SRD5A2: variants seen among roughly 807,000 people sequenced by gnomAD.
The protein encoded by SRD5A2 is steroid 5 alpha-reductase 2, also known as 3-oxo-5-alpha-steroid 4-dehydrogenase 2.
A neutral mutation model predicts 27.4 loss-of-function variants in SRD5A2; 30 were observed. That is an observed-to-expected ratio of 1.10 (90% CI 0.82 to 1.49). The LOEUF is 1.49. Ranked by LOEUF, SRD5A2 falls within the 40% of genes most tolerant of loss-of-function variation. The pLI, the probability that SRD5A2 is intolerant of heterozygous loss-of-function variation, is 0.00. For synonymous variants in SRD5A2, 141 were observed against 133.6 expected (o/e 1.06, Z -0.38); for missense variants, 348 against 323.4 (o/e 1.08, Z -0.58).
At chr2:31,588,254 C>T in the SRD5A2 span, among the ~76,000 whole-genome samples, 15 of 152,146 alleles carry the variant, frequency 9.9e-5, no homozygotes, top group African/African-American at 2.9e-4. Context: ...TATCAATATT[C>T]AAGTACAAGA....
chr2:31,579,865 A>C (rs997509479), intron 1 of SRD5A2, among the ~76,000 whole-genome samples: 1 of 152,146 alleles, frequency 6.6e-6, no homozygotes, highest in Non-Finnish European at 1.5e-5. Context: ...AGTTCTCCTG[A>C]ACCCGGATTT....
At chr2:31,610,991 C>T in the SRD5A2 span, among the ~76,000 whole-genome samples, 2 of 152,036 alleles carry the variant, frequency 1.3e-5, no homozygotes, top group African/African-American at 4.8e-5. Flanking sequence ...CACCTGTAAT[C>T]CCAGCTACTC....
chr2:31,576,041 C>A, intron 1 of SRD5A2, among the ~76,000 whole-genome samples: 1 of 151,698 alleles, frequency 6.6e-6, no homozygotes, highest in Admixed American at 6.6e-5. Context: ...ACCATAAAAA[C>A]CCTAGAAGAA....
chr2:31,598,148 G>A, the SRD5A2 span, among the ~76,000 whole-genome samples: 1 of 152,004 alleles, frequency 6.6e-6, no homozygotes, highest in Non-Finnish European at 1.5e-5. Context: ...GGCATTCACA[G>A]CAACCTGGAT....
rs773276395 is a variant in SRD5A2, at chr2:31,529,425, A to T, written c.580T>A (p.Phe194Ile). 1.2e-6 allele frequency: 2 copies of T among 1,613,808 alleles called. No individual in the cohort carries two copies. Among genetic ancestry groups the T allele is most frequent in the South Asian group, 1.1e-5 (1 of 91,042 alleles). The part of the protein sequence containing the change: ...GLFTYVSGAN[F>I]LGEIIEWIGY... ...ATCCATTCAATGATCTCACCGAGGA[A>T]ATTGGCTCCAGAAACATACGTAAAC... The change falls in exon 4 of 5, where the codon TTC becomes ATC. Residue 194 changes from phenylalanine to isoleucine, a missense_variant. By Grantham distance (21) the Phe-to-Ile change is conservative (BLOSUM62 0). Transcript: ENST00000622030.
At chr2:31,547,695 A>G (rs1666290197) in intron 1 of SRD5A2, among the ~76,000 whole-genome samples, 1 of 152,170 alleles carries the variant, frequency 6.6e-6, no homozygotes, top group South Asian at 2.1e-4. Context: ...GAATTGCAAC[A>G]TTGGCTTCCA....
the SRD5A2 span, among the ~76,000 whole-genome samples, chr2:31,587,311 G>A: frequency 3.3e-5 from 5 of 152,326 alleles, no homozygotes; most frequent in South Asian, 8.3e-4. Flanking sequence ...TGGTGGGAGT[G>A]TAAATTAGTT....
the SRD5A2 span, among the ~76,000 whole-genome samples, chr2:31,655,828 G>T: frequency 6.6e-6 from 1 of 152,180 alleles, no homozygotes; most frequent in South Asian, 2.1e-4. Context: ...CCACTGGAAA[G>T]AACCTACTAG....
chr2:31,594,432 C>G, the SRD5A2 span, among the ~76,000 whole-genome samples: 11 of 152,026 alleles, frequency 7.2e-5, no homozygotes, highest in Non-Finnish European at 1.5e-4. Flanking sequence ...GACTTTAAAA[C>G]AATAACAGTT....
the SRD5A2 span, among the ~76,000 whole-genome samples, chr2:31,626,402 G>C: frequency 3.3e-5 from 5 of 152,216 alleles, no homozygotes; most frequent in East Asian, 9.6e-4. Flanking sequence ...ATGTTGAATG[G>C]GAGTGGTGAG....
chr2:31,625,731 G>T, the SRD5A2 span, among the ~76,000 whole-genome samples: 2 of 152,072 alleles, frequency 1.3e-5, no homozygotes, highest in Admixed American at 1.3e-4. Flanking sequence ...TCTCTGTTTT[G>T]GTATCAGTAC....
the SRD5A2 span, among the ~76,000 whole-genome samples, chr2:31,624,727 G>C: frequency 6.6e-6 from 1 of 152,150 alleles, no homozygotes; most frequent in Non-Finnish European, 1.5e-5. Flanking sequence ...ATGGTGTATA[G>C]GTGTCACATT....
the SRD5A2 span, among the ~76,000 whole-genome samples, chr2:31,646,296 A>T: frequency 2.6e-5 from 4 of 152,148 alleles, no homozygotes; most frequent in African/African-American, 9.7e-5. Context: ...TTAATTATTA[A>T]TAGGTAAATG....
the SRD5A2 span, among the ~76,000 whole-genome samples, chr2:31,609,054 A>G: frequency 6.6e-6 from 1 of 152,058 alleles, no homozygotes; most frequent in Non-Finnish European, 1.5e-5. Context: ...CAATAAGAAG[A>G]TCGCCATCTG....
the SRD5A2 span, among the ~76,000 whole-genome samples, chr2:31,647,677 C>T: frequency 5.3e-5 from 8 of 152,278 alleles, no homozygotes; most frequent in South Asian, 1.0e-3. Flanking sequence ...AAGAGACAAA[C>T]GCTGCTGCCA....
intron 2 of SRD5A2, 82 bp downstream of exon 2, chr2:31,533,521 A>G: frequency 7.7e-7 from 1 of 1,293,676 alleles, no homozygotes; most frequent in East Asian, 2.5e-5. Context: ...AGGTCATTGC[A>G]GTAGGGAGAG....
chr2:31,546,548 A>G (rs1666265698), intron 1 of SRD5A2, among the ~76,000 whole-genome samples: 1 of 152,212 alleles, frequency 6.6e-6, no homozygotes, highest in Non-Finnish European at 1.5e-5. Flanking sequence ...ACAGAAAACA[A>G]ATACTGCACA....
the SRD5A2 span, among the ~76,000 whole-genome samples, chr2:31,639,521 G>A: frequency 6.6e-6 from 1 of 151,888 alleles, no homozygotes; most frequent in South Asian, 2.1e-4. Context: ...TTTTTTATAC[G>A]AAAGGATTAG....
the SRD5A2 span, among the ~76,000 whole-genome samples, chr2:31,594,386 C>T: frequency 3.9e-5 from 6 of 151,988 alleles, no homozygotes; most frequent in Admixed American, 6.6e-5. Flanking sequence ...AAACCAAAAG[C>T]GAGCAGGATT....
Sources: allele counts gnomAD v4.1 joint callset (sites outside exome capture counted in the v4.1 genomes callset), GRCh38; gene constraint gnomAD v4.1.1; transcripts MANE v1.5; gene names NCBI Gene and HGNC (gene_info 2026-07-23, HGNC 2026-07-21).